The following TIMM23 variants were observed in gnomAD, a reference collection of about 807,000 sequenced individuals.
The protein encoded by TIMM23 is mitochondrial import inner membrane translocase subunit Tim23.
Under a neutral mutation model 30.7 loss-of-function variants are expected in TIMM23, and 19 were observed. The ratio of observed to expected loss-of-function variants is 0.62; its 90% CI spans 0.43 to 0.91. The LOEUF (loss-of-function observed/expected upper bound fraction) is 0.91, where lower values mean the gene tolerates loss of function less well. TIMM23 is among the 40% of genes least tolerant of loss of function. The pLI, the probability that TIMM23 is intolerant of heterozygous loss-of-function variation, is 0.00. For missense variants in TIMM23, 202 were observed against 269.2 expected (o/e 0.75, Z 1.75); for synonymous variants, 78 against 98.5 (o/e 0.79, Z 1.23).
At chr10:45,983,420 G>A (rs1837903582) in intron 4 of TIMM23, among the ~76,000 whole-genome samples, 1 of 152,176 alleles carries the variant, frequency 6.6e-6, no homozygotes, top group African/African-American at 2.4e-5. Context: ...TAGAATTAGA[G>A]TTAATTCCAA....
chr10:45,994,048 G>C (rs797040701), intron 6 of TIMM23, among the ~76,000 whole-genome samples: 1 of 151,924 alleles, frequency 6.6e-6, no homozygotes, highest in Non-Finnish European at 1.5e-5. Context: ...TGAAATGAAA[G>C]GAAATACGAA....
chr10:46,000,072 T>G (rs1034082055), intron 6 of TIMM23, among the ~76,000 whole-genome samples: 2 of 152,130 alleles, frequency 1.3e-5, no homozygotes, highest in Admixed American at 1.3e-4. Flanking sequence ...GTGCCCAGAT[T>G]TCATATTTGT....
intron 2 of TIMM23, among the ~76,000 whole-genome samples, chr10:45,980,327 G>C (rs1837804792): frequency 1.3e-5 from 2 of 151,558 alleles, no homozygotes; most frequent in Non-Finnish European, 2.9e-5. Flanking sequence ...TGGAACTCCT[G>C]GGTTCAAGCA....
chr10:45,978,441 AT>A (rs1590111882), intron 2 of TIMM23, among the ~76,000 whole-genome samples: 1 of 152,218 alleles, frequency 6.6e-6, no homozygotes, highest in Admixed American at 6.5e-5. Flanking sequence ...AGAATATTTA[AT>A]TTTTTTAACT....
chr10:45,990,632 A>G (rs1281211634), intron 6 of TIMM23: 57 of 411,234 alleles, frequency 1.4e-4, no homozygotes, highest in Admixed American at 9.7e-4. Context: ...TGTGTTGCCC[A>G]AGCTGGTCTT....
intron 2 of TIMM23, among the ~76,000 whole-genome samples, chr10:45,980,045 C>T (rs1428356169): frequency 6.6e-6 from 1 of 151,258 alleles, no homozygotes; most frequent in East Asian, 1.9e-4. Context: ...TCATCATGAA[C>T]ATTTAATCTT....
At chr10:45,973,149 G>A (rs2132235178) in intron 1 of TIMM23, among the ~76,000 whole-genome samples, 1 of 142,790 alleles carries the variant, frequency 7.0e-6, no homozygotes, top group East Asian at 2.1e-4. Context: ...CGTCAGGGCA[G>A]AATATTCAGT....
At chr10:45,985,111 TTAA>T (rs1837957228) in intron 4 of TIMM23, among the ~76,000 whole-genome samples, 1 of 152,022 alleles carries the variant, frequency 6.6e-6, no homozygotes, top group African/African-American at 2.4e-5. Flanking sequence ...TATTATACAT[TTAA>T]TAATAAGAGT....
rs1554912850 is a variant in TIMM23, at chr10:45,975,468, C to A, written c.121C>A (p.Pro41Thr). ...LAGVPLTGMN[P>T]LSPYLNVDPR... ...TTTCTCTCTAGTAACTGGTATGAACCCTCTGTCTCCTTATTTAAATGTGGA... is the reference window on the plus strand; with the variant it reads ...TTTCTCTCTAGTAACTGGTATGAACACTCTGTCTCCTTATTTAAATGTGGA... The change falls in exon 2 of 7, where the codon CCT becomes ACT. Residue 41 changes from proline (P) to threonine (T), a missense_variant. Physicochemically the swap from Pro to Thr is conservative, Grantham distance 38 (BLOSUM62 -1). Coordinates refer to ENST00000580018, the MANE Select transcript of TIMM23 (RefSeq NM_006327.4). The A allele has an allele frequency of 1.9e-6, 3 of 1,613,682 alleles. No individual in the cohort carries two copies. In the African/African-American group the frequency reaches 4.0e-5, roughly 22 times the overall value.
At chr10:45,995,933 G>A (rs1432765487) in intron 6 of TIMM23, among the ~76,000 whole-genome samples, 3 of 149,196 alleles carry the variant, frequency 2.0e-5, no homozygotes, top group African/African-American at 7.7e-5. Context: ...CGTGATATTT[G>A]TGGTGGATGA....
At chr10:45,974,805 A>C (rs1346600702) in intron 1 of TIMM23, among the ~76,000 whole-genome samples, 1 of 152,132 alleles carries the variant, frequency 6.6e-6, no homozygotes, top group Non-Finnish European at 1.5e-5. Context: ...TGGGTGATGC[A>C]TAGGTTTGTA....
chr10:45,993,654 G>A (rs587728797), intron 6 of TIMM23, among the ~76,000 whole-genome samples: 5 of 152,020 alleles, frequency 3.3e-5, no homozygotes, highest in Admixed American at 2.6e-4. Context: ...TCTCTGTCTC[G>A]AAATGAAATG....
intron 5 of TIMM23, among the ~76,000 whole-genome samples, chr10:45,987,375 T>C (rs1838020695): frequency 6.6e-6 from 1 of 152,178 alleles, no homozygotes; most frequent in Admixed American, 6.5e-5. Context: ...TCCACCTGTT[T>C]CACTTCTGCC....
intron 5 of TIMM23, 28 bp from the exon 6 acceptor site, chr10:45,988,709 T>A (rs1838071186): frequency 6.2e-7 from 1 of 1,609,044 alleles, no homozygotes; most frequent in Non-Finnish European, 8.5e-7. Context: ...CACTGTTTTG[T>A]CACTGAGCAC....
intron 6 of TIMM23, among the ~76,000 whole-genome samples, chr10:45,999,525 G>T (rs1353621293): frequency 6.6e-6 from 1 of 151,408 alleles, no homozygotes; most frequent in Non-Finnish European, 1.5e-5. Context: ...TTTTATTAGG[G>T]ATTTTCAAAA....
chr10:45,988,026 G>A (rs1838047243), intron 5 of TIMM23, among the ~76,000 whole-genome samples: 1 of 152,138 alleles, frequency 6.6e-6, no homozygotes, highest in African/African-American at 2.4e-5. Flanking sequence ...TGGAGTTGGG[G>A]TGCACTAGCC....
chr10:45,975,968 A>T (rs1837661367), intron 2 of TIMM23, among the ~76,000 whole-genome samples: 1 of 152,094 alleles, frequency 6.6e-6, no homozygotes, highest in African/African-American at 2.4e-5. Flanking sequence ...CGCCTGGCTA[A>T]TTCTTGTGTT....
intron 2 of TIMM23, 121 bp from the exon 3 acceptor site, chr10:45,982,402 G>T (rs1837876198): frequency 6.5e-6 from 6 of 929,574 alleles, no homozygotes; most frequent in Non-Finnish European, 1.0e-5. Flanking sequence ...TTTAAGTATA[G>T]GTTTGAGTTA....
chr10:45,990,121 T>A (rs1328761647), intron 6 of TIMM23, among the ~76,000 whole-genome samples: 6 of 151,302 alleles, frequency 4.0e-5, no homozygotes, highest in African/African-American at 1.4e-4. Flanking sequence ...TTTTAATTTT[T>A]TTTTTTTTTT....
Sources: allele counts gnomAD v4.1 joint callset (sites outside exome capture counted in the v4.1 genomes callset), GRCh38; gene constraint gnomAD v4.1.1; transcripts MANE v1.5; gene names NCBI Gene and HGNC (gene_info 2026-07-23, HGNC 2026-07-21).